The following SLC12A7 variants were observed in gnomAD, a reference collection of about 807,000 sequenced individuals.
SLC12A7 encodes the protein K-Cl cotransporter 4.
Under a neutral mutation model 120.6 loss-of-function variants are expected in SLC12A7, and 100 were observed. The ratio of observed to expected loss-of-function variants is 0.83; its 90% CI spans 0.71 to 0.98. The LOEUF (loss-of-function observed/expected upper bound fraction) is 0.98, where lower values mean the gene tolerates loss of function less well. SLC12A7 is among the 50% of genes least tolerant of loss of function. The pLI, the probability that SLC12A7 is intolerant of heterozygous loss-of-function variation, is 0.00. For missense variants in SLC12A7, 1,373 were observed against 1,548.1 expected, an observed-to-expected ratio of 0.89 and a Z score of 1.90; for synonymous variants, 760 against 678.0, an observed-to-expected ratio of 1.12 and a Z score of -1.88.
the SLC12A7 span, among the ~76,000 whole-genome samples, chr5:1,125,961 G>T: frequency 6.0e-4 from 89 of 148,700 alleles, no homozygotes; most frequent in African/African-American, 2.1e-3. Flanking sequence ...TGCTTGCATT[G>T]TTATATCTTC....
chr5:1,097,827 T>G (rs946502714), intron 1 of SLC12A7, among the ~76,000 whole-genome samples: 2 of 152,102 alleles, frequency 1.3e-5, no homozygotes, highest in African/African-American at 4.8e-5. Context: ...CTTCAAGCCT[T>G]TAAAGAGAAC....
Position 1,079,481 on chromosome 5 carries a change from G to C in SLC12A7, c.1313C>G (p.Ser438Ter), listed in dbSNP as rs778341825. Reference protein sequence around the residue: ...FPSVTGIMAGSNRSGDLKDAQ... With the variant: ...FPSVTGIMAG The stretch of plus-strand genomic sequence containing the variant: ...ATCCTTGAGGTCCCCGGACCGGTTT[G>C]AACCCGCCATGATACCTGTGAACAT... Residue 438 changes from serine to a stop codon, truncating the protein, a stop_gained, in exon 10 of 24, where the codon TCA becomes TGA. Coordinates refer to ENST00000264930, the MANE Select transcript of SLC12A7 (RefSeq NM_006598.3). LOFTEE classifies it high-confidence loss of function. The C allele has an allele frequency of 1.2e-6, 2 of 1,612,490 alleles. No homozygotes were observed. The highest frequency in any genetic ancestry group is 1.7e-6 in the Non-Finnish European group (2 of 1,179,784).
chr5:1,115,424 G>A (rs1038828242), upstream of SLC12A7, among the ~76,000 whole-genome samples: 2 of 152,232 alleles, frequency 1.3e-5, no homozygotes, highest in Non-Finnish European at 2.9e-5. Context: ...GACGCAGGCT[G>A]CCTCCAGGTA....
intron 1 of SLC12A7, among the ~76,000 whole-genome samples, chr5:1,094,535 C>T (rs1033779771): frequency 2.0e-5 from 3 of 152,224 alleles, no homozygotes; most frequent in African/African-American, 7.2e-5. Flanking sequence ...ATCCCCAGAA[C>T]ACACGCTAGC....
chr5:1,056,295 C>T (rs780796606), intron 22 of SLC12A7, among the ~76,000 whole-genome samples: 1 of 152,232 alleles, frequency 6.6e-6, no homozygotes, highest in South Asian at 2.1e-4. Flanking sequence ...CACTCCGGAG[C>T]GGCTCGGACA....
the SLC12A7 span, among the ~76,000 whole-genome samples, chr5:1,124,853 C>T: frequency 3.3e-5 from 5 of 152,150 alleles, no homozygotes; most frequent in Admixed American, 1.3e-4. Flanking sequence ...TTGCACTAAC[C>T]GGAGCGAGGC....
At chr5:1,092,515 G>A (rs1361353068) in intron 3 of SLC12A7, among the ~76,000 whole-genome samples, 2 of 152,224 alleles carry the variant, frequency 1.3e-5, no homozygotes, top group Admixed American at 6.5e-5. Context: ...GGGATCTCCT[G>A]ATGGTATTTT....
intron 4 of SLC12A7, 78 bp from the exon 5 acceptor site, chr5:1,088,438 T>G (rs963907098): frequency 6.9e-7 from 1 of 1,459,782 alleles, no homozygotes; most frequent in African/African-American, 1.4e-5. Flanking sequence ...AGTCAGGGTC[T>G]ATGACCCGGC....
chr5:1,144,714 G>C, the SLC12A7 span, among the ~76,000 whole-genome samples: 1 of 152,234 alleles, frequency 6.6e-6, no homozygotes, highest in Non-Finnish European at 1.5e-5. Context: ...CAGATCACCA[G>C]GCTGCAGTGG....
chr5:1,107,313 C>A (rs4535497), intron 1 of SLC12A7, among the ~76,000 whole-genome samples: 73,246 of 152,104 alleles, frequency 0.48, 18,626 homozygotes, highest in Non-Finnish European at 0.58. Context: ...GCTTTCTGTG[C>A]TTTACAAAGG....
rs1415991654 is a variant in SLC12A7, at chr5:1,093,906, G to T, written c.219+248C>A. 2.6e-5 allele frequency among the ~76,000 whole-genome samples: 4 copies of T among 152,292 alleles called. No individual in the cohort carries two copies. In the East Asian group the frequency reaches 7.7e-4, roughly 29 times the overall value. On this transcript the variant is annotated intron_variant, in intron 2 of 23. Transcript: ENST00000264930. Reference sequence around the variant, plus strand: ...TGTCCAGCACTCAGCAGCTCAGAGGGGTTCCCGTGGGGCCGGAGCACCCTA... The same window carrying T: ...TGTCCAGCACTCAGCAGCTCAGAGGTGTTCCCGTGGGGCCGGAGCACCCTA...
chr5:1,086,507 C>T (rs903108171), intron 6 of SLC12A7, among the ~76,000 whole-genome samples: 1 of 152,208 alleles, frequency 6.6e-6, no homozygotes, highest in Non-Finnish European at 1.5e-5. Flanking sequence ...GCTCTGGGAC[C>T]CTCGGCCAAG....
In SLC12A7 at chr5:1,076,700, A is replaced by AG; in HGVS notation, c.1741dup (p.Leu581ProfsTer335). 1 of 1,609,522 alleles carries AG rather than the reference A, an allele frequency of 6.2e-7. No individual in the cohort carries two copies. The highest frequency in any genetic ancestry group is 8.5e-7 in the Non-Finnish European group (1 of 1,178,754). On this transcript the variant is annotated frameshift_variant, in exon 13 of 24. Transcript: ENST00000264930. LOFTEE classifies it high-confidence loss of function. ...CCGTCCTGTGGGGGCTCACATGGAG[A>AG]GGATCGGGGCCACGCTGTCCAGAGA... is the stretch of plus-strand genomic sequence containing the variant.
rs902426739 is a variant in SLC12A7, at chr5:1,112,059, G to A, written c.-68C>T. On this transcript the variant is annotated 5_prime_UTR_variant, in exon 1 of 24. Transcript: ENST00000264930. Reference sequence around the variant, plus strand: ...CTGCGCCGCTCCCGCCGACGCCACGGGACTTGGAGGCAGGGGCGGGGTCCG... The same window carrying A: ...CTGCGCCGCTCCCGCCGACGCCACGAGACTTGGAGGCAGGGGCGGGGTCCG... 8.3e-7 allele frequency: 1 copy of A among 1,203,544 alleles called. No individual in the cohort carries two copies. Among genetic ancestry groups the A allele is most frequent in the Non-Finnish European group, 1.0e-6 (1 of 968,962 alleles). 74.6% of individuals were successfully genotyped at this position (1,203,544 alleles called of 1,614,324 possible).
the SLC12A7 span, among the ~76,000 whole-genome samples, chr5:1,139,485 C>T: frequency 3.9e-5 from 6 of 152,270 alleles, no homozygotes; most frequent in African/African-American, 1.2e-4. Flanking sequence ...TGGGCCTTGC[C>T]GGCTTGGCCT....
intron 1 of SLC12A7, among the ~76,000 whole-genome samples, chr5:1,094,498 A>G (rs1740885123): frequency 6.6e-6 from 1 of 152,116 alleles, no homozygotes; most frequent in Admixed American, 6.5e-5. Context: ...TATCCCCAGA[A>G]CACAAGCTAT....
intron 1 of SLC12A7, among the ~76,000 whole-genome samples, chr5:1,110,841 CCCAGGCCA>C (rs1371939512): frequency 7.2e-5 from 11 of 152,208 alleles, no homozygotes; most frequent in Non-Finnish European, 1.3e-4. Flanking sequence ...GATGACGCAC[CCCAGGCCA>C]CCAGGCCACT....
At chr5:1,107,335 CCATG>C (rs977041560) in intron 1 of SLC12A7, among the ~76,000 whole-genome samples, 4 of 152,220 alleles carry the variant, frequency 2.6e-5, no homozygotes, top group African/African-American at 9.6e-5. Context: ...CACCCATCCC[CCATG>C]CAGGAGCCTG....
chr5:1,112,944 C>T (rs944519844), upstream of SLC12A7, among the ~76,000 whole-genome samples: 8 of 150,220 alleles, frequency 5.3e-5, no homozygotes, highest in African/African-American at 1.5e-4. Context: ...AGGAGTGCCC[C>T]GCGGCCCCTG....
Sources: allele counts gnomAD v4.1 joint callset (sites outside exome capture counted in the v4.1 genomes callset), GRCh38; gene constraint gnomAD v4.1.1; transcripts MANE v1.5; gene names NCBI Gene and HGNC (gene_info 2026-07-23, HGNC 2026-07-21).